The following ABTB2 variants were observed in gnomAD, a reference collection of about 807,000 sequenced individuals.
The protein encoded by ABTB2 is ankyrin repeat and BTB domain containing 2.
Under a neutral mutation model 104.1 loss-of-function variants are expected in ABTB2, and 56 were observed. That is an observed-to-expected ratio of 0.54 (90% confidence interval 0.43 to 0.67). The LOEUF (loss-of-function observed/expected upper bound fraction) is 0.67. Ranked by LOEUF, ABTB2 falls within the 30% of genes least tolerant of loss-of-function variation. The probability of loss-of-function intolerance (pLI) is 0.00; values close to 1 mark genes in which losing one functional copy is unlikely to be tolerated. For synonymous variants in ABTB2, 606 were observed against 608.2 expected, an observed-to-expected ratio of 1.00 and a Z score of 0.05; for missense variants, 1,279 against 1,407.7, an observed-to-expected ratio of 0.91 and a Z score of 1.46.
chr11:34,315,106 C>T (rs767658838), intron 1 of ABTB2, among the ~76,000 whole-genome samples: 3 of 152,244 alleles, frequency 2.0e-5, no homozygotes, highest in Admixed American at 6.5e-5. Context: ...GGCCTGCACT[C>T]GCGCGAGCCT....
At position 34,356,669 on chromosome 11, in the gene ABTB2, C is replaced by T. The variant is rs1855467837; in HGVS notation, c.883+32G>A. On this transcript the variant is annotated intron_variant, in intron 1 of 16. Coordinates refer to ENST00000435224, the MANE Select transcript of ABTB2 (RefSeq NM_145804.3). This position sits in a 1 kb window ranked among gnomAD's most constrained non-coding sequence, Gnocchi z 4.6. ...GCCCAGGGCGGGATTTCTTGCCTAC[C>T]CAGTCTGCCAGTCCGAGGCCCGCGC... 1 of 1,528,438 alleles carries T rather than the reference C, an allele frequency of 6.5e-7. No homozygotes were observed. The highest frequency in any genetic ancestry group is 8.9e-7 in the Non-Finnish European group (1 of 1,129,608). The allele number at this position is 1,528,438 out of a possible 1,614,324, so 94.7% of individuals were successfully genotyped here. A position where few individuals can be genotyped will look rare whatever the true frequency, so the allele number is the denominator to read the frequency against.
At chr11:34,176,019 C>T (rs1158190385) in intron 3 of ABTB2, among the ~76,000 whole-genome samples, 1 of 152,192 alleles carries the variant, frequency 6.6e-6, no homozygotes, top group Admixed American at 6.5e-5. Context: ...CGGTGGCTCA[C>T]GCCTGTAATC....
intron 1 of ABTB2, among the ~76,000 whole-genome samples, chr11:34,286,479 G>T (rs1356402135): frequency 1.3e-5 from 2 of 152,012 alleles, no homozygotes; most frequent in Non-Finnish European, 2.9e-5. Context: ...TTTTAGTAGA[G>T]ATGGGGTTTC....
intron 1 of ABTB2, among the ~76,000 whole-genome samples, chr11:34,285,491 C>T (rs1342514447): frequency 2.0e-5 from 3 of 152,040 alleles, no homozygotes; most frequent in Non-Finnish European, 4.4e-5. Context: ...CACAAAGGTG[C>T]AGAAATGGAC....
At chr11:34,326,938 G>T (rs767752745) in intron 1 of ABTB2, among the ~76,000 whole-genome samples, 1 of 152,132 alleles carries the variant, frequency 6.6e-6, no homozygotes. Context: ...GTATTTGGGC[G>T]TGGTGGTGGG....
intron 1 of ABTB2, among the ~76,000 whole-genome samples, chr11:34,345,926 G>A (rs1215797613): frequency 2.0e-5 from 3 of 152,238 alleles, no homozygotes; most frequent in South Asian, 2.1e-4. Flanking sequence ...GGGATTTGAC[G>A]GGTAGATGGG....
chr11:34,263,193 A>G (rs1854209134), intron 1 of ABTB2, among the ~76,000 whole-genome samples: 1 of 151,642 alleles, frequency 6.6e-6, no homozygotes, highest in African/African-American at 2.4e-5. Flanking sequence ...GGTTGGGGGG[A>G]CACAGAGAGG....
intron 1 of ABTB2, among the ~76,000 whole-genome samples, chr11:34,339,216 G>A (rs957698923): frequency 1.4e-4 from 22 of 152,162 alleles, no homozygotes; most frequent in African/African-American, 5.1e-4. Flanking sequence ...AGGATTACAG[G>A]TGTGAGAACC....
rs373716461 is a variant in ABTB2 at position 34,158,329 on chromosome 11, C to T, written c.2697+967G>A. 6.3e-3 allele frequency among the ~76,000 whole-genome samples: 966 copies of T among 152,244 alleles called. 5 individuals are homozygous for T. Among genetic ancestry groups the T allele is most frequent in the East Asian group, 0.034 (174 of 5,180 alleles). ...TCGGGAGGGTGAGGCAGGAGAATGG[C>T]GTGAACCCGGGAGGTGGAGCTTGCA... On this transcript the variant is annotated intron_variant, in intron 14 of 16. Transcript: ENST00000435224.
intron 1 of ABTB2, among the ~76,000 whole-genome samples, chr11:34,286,411 G>A (rs1455163498): frequency 1.3e-5 from 2 of 152,076 alleles, no homozygotes; most frequent in East Asian, 1.9e-4. Context: ...TCCCGCCTCA[G>A]CCTCCTGAGT....
At chr11:34,319,339 T>TC (rs1313332636) in intron 1 of ABTB2, among the ~76,000 whole-genome samples, 2 of 152,208 alleles carry the variant, frequency 1.3e-5, no homozygotes, top group Non-Finnish European at 2.9e-5. Flanking sequence ...TACTGGGATC[T>TC]CTTTTGGCTT....
At position 34,229,208 on chromosome 11, in the gene ABTB2, T is replaced by C. The variant is rs187445799; in HGVS notation, c.884-24518A>G. Among the ~76,000 whole-genome samples, 678 of 150,306 alleles carry C rather than the reference T, an allele frequency of 4.5e-3. 5 individuals are homozygous for C. Among genetic ancestry groups the C allele is most frequent in the African/African-American group, 0.013 (529 of 41,072 alleles). On this transcript the variant is annotated intron_variant, in intron 1 of 16. Coordinates refer to ENST00000435224, the MANE Select transcript of ABTB2 (RefSeq NM_145804.3). ...AACAGAATTATTTATTCTGGCCGGG[T>C]GCGGTGGCTCACGCCTGTAATCGCA...
At chr11:34,169,031 A>G (rs929695345) in intron 5 of ABTB2, among the ~76,000 whole-genome samples, 1 of 152,228 alleles carries the variant, frequency 6.6e-6, no homozygotes, top group African/African-American at 2.4e-5. Flanking sequence ...ATGGGGTGAG[A>G]GAGCTGTTTA....
intron 3 of ABTB2, among the ~76,000 whole-genome samples, chr11:34,188,000 A>G (rs1345197364): frequency 6.6e-6 from 1 of 152,238 alleles, no homozygotes; most frequent in Non-Finnish European, 1.5e-5. Flanking sequence ...AACAGTGATT[A>G]TTCTGATAAT....
Position 34,159,824 on chromosome 11 carries a change from G to A in ABTB2, c.2606+82C>T, listed in dbSNP as rs1565127197. On this transcript the variant is annotated intron_variant, in intron 13 of 16. Coordinates refer to ENST00000435224, the MANE Select transcript of ABTB2 (RefSeq NM_145804.3). ...AGAGGCTGCAGGGTACAGCCCCAGC[G>A]AGTCACTCTCTGTCACCTGGAATCT... 4.5e-6 allele frequency: 5 copies of A among 1,123,580 alleles called. No homozygotes were observed. In the Admixed American group the frequency reaches 5.4e-5, roughly 12 times the overall value. The allele number at this position is 1,123,580 out of a possible 1,614,324, so 69.6% of individuals were successfully genotyped here. A position where few individuals can be genotyped will look rare whatever the true frequency, so the allele number is the denominator to read the frequency against.
chr11:34,162,553 T>C lies in ABTB2; in HGVS notation c.2218+23A>G, dbSNP rs1037331074. 2.5e-6 allele frequency: 4 copies of C among 1,606,860 alleles called. No homozygotes were observed. In the Admixed American group the frequency reaches 6.7e-5, roughly 27 times the overall value. Reference sequence around the variant, plus strand: ...GTCCATATGCATGCATGGACATGGGTGTGCATGCCCGTGAGGCCTCACCCA... The same window carrying C: ...GTCCATATGCATGCATGGACATGGGCGTGCATGCCCGTGAGGCCTCACCCA... On this transcript the variant is annotated intron_variant, in intron 10 of 16. Transcript: ENST00000435224.
intron 1 of ABTB2, among the ~76,000 whole-genome samples, chr11:34,206,197 T>TA (rs1467510387): frequency 6.6e-6 from 1 of 152,120 alleles, no homozygotes; most frequent in Admixed American, 6.5e-5. Context: ...CCATCTCTAT[T>TA]AAAAATACAA....
intron 3 of ABTB2, among the ~76,000 whole-genome samples, chr11:34,195,722 G>A (rs990365261): frequency 6.6e-6 from 1 of 152,188 alleles, no homozygotes; most frequent in Admixed American, 6.5e-5. Flanking sequence ...TTTCTTGGTA[G>A]TGTGTGAATT....
Position 34,316,266 on chromosome 11 carries a change from C to T in ABTB2, c.883+40435G>A, listed in dbSNP as rs573362114. Among the ~76,000 whole-genome samples, 4 of 152,338 alleles carry T rather than the reference C, an allele frequency of 2.6e-5. No homozygotes were observed. In the East Asian group the frequency reaches 7.7e-4, roughly 29 times the overall value. The stretch of plus-strand genomic sequence containing the variant: ...GGCCATCACAGTGGCACGGATCATA[C>T]GGACACTGCAAAAGTCGCAAATGGC... On this transcript the variant is annotated intron_variant, in intron 1 of 16. Coordinates refer to ENST00000435224, the MANE Select transcript of ABTB2 (RefSeq NM_145804.3).
Sources: gnomAD v4.1 joint callset for allele counts (sites outside exome capture counted in the v4.1 genomes callset) on GRCh38, gnomAD v4.1.1 for gene constraint, Gnocchi (gnomAD v3.1) non-coding constraint, MANE v1.5 for transcripts, NCBI Gene and HGNC (gene_info 2026-07-23, HGNC 2026-07-21) for gene names.